The following ATP8A2 variants were observed in gnomAD, a reference collection of about 807,000 sequenced individuals.
The protein encoded by ATP8A2 is phospholipid-transporting ATPase IB.
Under a neutral mutation model 165.6 loss-of-function variants are expected in ATP8A2, and 100 were observed. The ratio of observed to expected loss-of-function variants is 0.60; its 90% confidence interval spans 0.51 to 0.71. ATP8A2 has a LOEUF of 0.71. ATP8A2 is among the 30% of genes least tolerant of loss of function. The probability of loss-of-function intolerance (pLI) is 0.00; values close to 1 mark genes in which losing one functional copy is unlikely to be tolerated. For missense variants in ATP8A2, 1,227 were observed against 1,479.5 expected (o/e 0.83, Z 2.80); for synonymous variants, 543 against 548.8 (o/e 0.99, Z 0.15).
chr13:25,532,539 A>C (rs1365521643), intron 5 of ATP8A2, among the ~76,000 whole-genome samples: 1 of 152,178 alleles, frequency 6.6e-6, no homozygotes, highest in Admixed American at 6.5e-5. Flanking sequence ...AAAGGTTGTA[A>C]TTTTCAGGAA....
intron 33 of ATP8A2, among the ~76,000 whole-genome samples, chr13:25,879,556 C>T (rs1952916684): frequency 6.6e-6 from 1 of 152,238 alleles, no homozygotes; most frequent in Admixed American, 6.5e-5. Flanking sequence ...AACCCTAGCA[C>T]TGCCACCACT....
At chr13:25,777,916 C>T (rs908672000) in intron 27 of ATP8A2, among the ~76,000 whole-genome samples, 1 of 152,210 alleles carries the variant, frequency 6.6e-6, no homozygotes, top group Non-Finnish European at 1.5e-5. Context: ...AACCTCCTTC[C>T]GTATTATCTG....
chr13:25,900,799 AG>A (rs1953717260), intron 33 of ATP8A2, among the ~76,000 whole-genome samples: 1 of 152,152 alleles, frequency 6.6e-6, no homozygotes, highest in Admixed American at 6.5e-5. Flanking sequence ...ACCTAAGCAA[AG>A]GGGTGGGAAG....
chr13:25,373,127 A>G (rs1337950269), intron 1 of ATP8A2, among the ~76,000 whole-genome samples: 2 of 152,184 alleles, frequency 1.3e-5, no homozygotes, highest in African/African-American at 4.8e-5. Flanking sequence ...GTTAATGCAG[A>G]CGTAAAGAGG....
At chr13:25,526,035 C>G (rs1174441374) in intron 2 of ATP8A2, among the ~76,000 whole-genome samples, 1 of 151,840 alleles carries the variant, frequency 6.6e-6, no homozygotes, top group East Asian at 1.9e-4. Context: ...AATTGCCTGT[C>G]TTTGAGCTCA....
chr13:25,847,434 T>C (rs1157722111), intron 30 of ATP8A2, among the ~76,000 whole-genome samples: 5 of 152,360 alleles, frequency 3.3e-5, no homozygotes, highest in Admixed American at 2.6e-4. Context: ...AGAATTGGGC[T>C]GGAAGGGCCA....
At chr13:25,623,733 T>G (rs980884924) in intron 24 of ATP8A2, among the ~76,000 whole-genome samples, 1 of 152,130 alleles carries the variant, frequency 6.6e-6, no homozygotes, top group African/African-American at 2.4e-5. Context: ...GGACTTCTCT[T>G]GTGTTATAGA....
intron 35 of ATP8A2, among the ~76,000 whole-genome samples, chr13:25,975,220 C>T (rs542956359): frequency 6.6e-6 from 1 of 152,298 alleles, no homozygotes; most frequent in East Asian, 1.9e-4. Flanking sequence ...TCTCTGATGT[C>T]ACCAACTTCC....
chr13:25,723,189 G>A (rs548809664), intron 25 of ATP8A2, among the ~76,000 whole-genome samples: 1 of 152,334 alleles, frequency 6.6e-6, no homozygotes, highest in East Asian at 1.9e-4. Flanking sequence ...ATACTTGGGA[G>A]TAGAATTGCT....
At chr13:25,664,351 G>A (rs2042108508) in intron 24 of ATP8A2, among the ~76,000 whole-genome samples, 1 of 152,142 alleles carries the variant, frequency 6.6e-6, no homozygotes, top group East Asian at 1.9e-4. Context: ...TAGATAAAAT[G>A]TAGCAATATT....
intron 2 of ATP8A2, among the ~76,000 whole-genome samples, chr13:25,478,851 A>T (rs1172730088): frequency 4.7e-5 from 3 of 63,860 alleles, no homozygotes; most frequent in Non-Finnish European, 3.0e-5. Context: ...TCCCATTTGT[A>T]ACACTTTTTT....
chr13:25,488,968 CAG>C (rs1419545293), intron 2 of ATP8A2, among the ~76,000 whole-genome samples: 1 of 149,526 alleles, frequency 6.7e-6, no homozygotes, highest in East Asian at 2.0e-4. Context: ...GACCAGGGTA[CAG>C]AGTCATAGTG....
At chr13:25,736,373 C>T (rs1410487910) in intron 25 of ATP8A2, among the ~76,000 whole-genome samples, 2 of 152,304 alleles carry the variant, frequency 1.3e-5, no homozygotes, top group East Asian at 3.9e-4. Context: ...ACAGAAGGCA[C>T]TACTGCAATG....
At chr13:25,968,213 T>A (rs1955826108) in intron 34 of ATP8A2, among the ~76,000 whole-genome samples, 1 of 152,174 alleles carries the variant, frequency 6.6e-6, no homozygotes, top group Admixed American at 6.5e-5. Context: ...AGGTGAGGGT[T>A]TAAAGTGTCT....
intron 11 of ATP8A2, among the ~76,000 whole-genome samples, chr13:25,551,946 G>GAAGCTA (rs1284921716): frequency 2.6e-5 from 4 of 151,936 alleles, no homozygotes; most frequent in African/African-American, 9.7e-5. Flanking sequence ...GTCTCTTAAA[G>GAAGCTA]AAGCTAAAGG....
intron 24 of ATP8A2, among the ~76,000 whole-genome samples, chr13:25,672,058 G>A (rs1037311321): frequency 2.6e-5 from 4 of 152,088 alleles, no homozygotes; most frequent in South Asian, 2.1e-4. Flanking sequence ...CATGAATATC[G>A]GGGCAGGTTC....
Position 25,551,484 on chromosome 13 carries a change from C to A in ATP8A2, c.1038C>A (p.Asn346Lys), listed in dbSNP as rs909698980. 2.1e-5 allele frequency: 33 copies of A among 1,607,634 alleles called. No individual in the cohort carries two copies. The highest frequency in any genetic ancestry group is 2.6e-5 in the Non-Finnish European group (31 of 1,175,372). The change falls in exon 11 of 37, where the codon AAC (asparagine) becomes AAA (lysine). Residue 346 changes from asparagine (N) to lysine (K), a missense_variant. Coordinates refer to ENST00000381655, the MANE Select transcript of ATP8A2 (RefSeq NM_016529.6). ...LYWNRSHGEK[N>K]WYIKKMDTTS... Reference sequence around the variant, plus strand: ...GGAACAGGTCTCATGGTGAAAAGAACTGGTACATCAAGAAGATGGGTAAGT... The same window carrying A: ...GGAACAGGTCTCATGGTGAAAAGAAATGGTACATCAAGAAGATGGGTAAGT...
At chr13:25,684,333 G>A (rs974314475) in intron 24 of ATP8A2, among the ~76,000 whole-genome samples, 1 of 152,158 alleles carries the variant, frequency 6.6e-6, no homozygotes, top group African/African-American at 2.4e-5. Flanking sequence ...CTCAGGCCTT[G>A]GAAAGCCCTG....
At chr13:25,837,911 G>T (rs377584534) in intron 29 of ATP8A2, among the ~76,000 whole-genome samples, 4 of 152,204 alleles carry the variant, frequency 2.6e-5, no homozygotes, top group Admixed American at 1.3e-4. Flanking sequence ...TAAAGGGGTC[G>T]TGCAGTCTCA....
Sources: gnomAD v4.1 joint callset for allele counts (sites outside exome capture counted in the v4.1 genomes callset) on GRCh38, gnomAD v4.1.1 for gene constraint, MANE v1.5 for transcripts, NCBI Gene and HGNC (gene_info 2026-07-23, HGNC 2026-07-21) for gene names.